ADAM12: variants seen among roughly 807,000 people sequenced by gnomAD.
ADAM12 encodes the protein ADAM metallopeptidase domain 12, also known as disintegrin and metalloproteinase domain-containing protein 12.
ADAM12 carries 70 observed loss-of-function variants against 106.4 expected under a neutral mutation model. The observed-to-expected ratio is 0.66, with a 90% CI of 0.54 to 0.80. ADAM12 has a LOEUF of 0.80. Among genes scored for constraint, ADAM12 ranks in the 30% least tolerant of loss-of-function variants. ADAM12 has a pLI of 0.00. For synonymous variants in ADAM12, 420 were observed against 433.5 expected (o/e 0.97, Z 0.39); for missense variants, 1,010 against 1,171.9 (o/e 0.86, Z 2.02).
Position 126,174,594 on chromosome 10 carries a change from T to C in ADAM12, c.261-19289A>G, listed in dbSNP as rs531910881. Among the ~76,000 whole-genome samples the C allele has an allele frequency of 2.3e-4, 35 of 152,304 alleles. No individual in the cohort carries two copies. In the South Asian group the frequency reaches 7.2e-3, roughly 32 times the overall value. On this transcript the variant is annotated intron_variant, in intron 3 of 22. Coordinates refer to ENST00000448723, the MANE Select transcript of ADAM12 (RefSeq NM_001288973.2). ...TACAATTGCATGTTTTTTACCCTATTCAGGGTGGTGCCACCATCTACCACA... is the reference window on the plus strand; with the variant it reads ...TACAATTGCATGTTTTTTACCCTATCCAGGGTGGTGCCACCATCTACCACA...
intron 4 of ADAM12, among the ~76,000 whole-genome samples, chr10:126,139,887 C>T (rs2133687773): frequency 6.6e-6 from 1 of 152,318 alleles, no homozygotes; most frequent in East Asian, 1.9e-4. Flanking sequence ...CTTCAGTGTC[C>T]TCTCACTCTA....
intron 3 of ADAM12, among the ~76,000 whole-genome samples, chr10:126,270,727 G>A (rs562664836): frequency 6.6e-6 from 1 of 152,288 alleles, no homozygotes; most frequent in South Asian, 2.1e-4. Context: ...TTGAAGCAAT[G>A]CTCTAGACTT....
At chr10:126,297,109 T>C (rs1274920847) in intron 2 of ADAM12, among the ~76,000 whole-genome samples, 1 of 152,236 alleles carries the variant, frequency 6.6e-6, no homozygotes, top group Non-Finnish European at 1.5e-5. Context: ...CTTAAAAATG[T>C]GCATAGCTTT....
At chr10:126,148,319 A>C (rs550433093) in intron 4 of ADAM12, among the ~76,000 whole-genome samples, 1 of 152,346 alleles carries the variant, frequency 6.6e-6, no homozygotes, top group East Asian at 1.9e-4. Context: ...CTTGAGCAGA[A>C]GAGGAGATGA....
intron 3 of ADAM12, among the ~76,000 whole-genome samples, chr10:126,190,225 G>A (rs1026691722): frequency 2.7e-5 from 4 of 149,468 alleles, no homozygotes; most frequent in Non-Finnish European, 4.4e-5. Context: ...TTTTTTAGAC[G>A]GAGTCTCACT....
intron 3 of ADAM12, among the ~76,000 whole-genome samples, chr10:126,198,014 A>G (rs1957629002): frequency 6.6e-6 from 1 of 152,226 alleles, no homozygotes; most frequent in African/African-American, 2.4e-5. Flanking sequence ...TTCCACACAA[A>G]GACATGTGTT....
intron 5 of ADAM12, among the ~76,000 whole-genome samples, chr10:126,130,640 T>C (rs970537902): frequency 4.6e-5 from 7 of 152,214 alleles, no homozygotes; most frequent in Non-Finnish European, 8.8e-5. Flanking sequence ...GTCACCACCA[T>C]GCGGAAGGAA....
chr10:126,197,275 T>C lies in ADAM12; in HGVS notation c.261-41970A>G, dbSNP rs542150538. Among the ~76,000 whole-genome samples, 3 of 152,314 alleles carry C rather than the reference T, an allele frequency of 2.0e-5. 1 individual carries two copies. Among genetic ancestry groups the C allele is most frequent in the East Asian group, 3.9e-4 (2 of 5,190 alleles). ...CAAGGCATCTTTTGGACAAAGTCCATTGGTGAACTCTGGAAGAAGCCAGCT... is the reference window on the plus strand; with the variant it reads ...CAAGGCATCTTTTGGACAAAGTCCACTGGTGAACTCTGGAAGAAGCCAGCT... On this transcript the variant is annotated intron_variant, in intron 3 of 22. Coordinates refer to ENST00000448723, the MANE Select transcript of ADAM12 (RefSeq NM_001288973.2).
At chr10:126,177,904 T>G (rs535011989) in intron 3 of ADAM12, among the ~76,000 whole-genome samples, 1 of 152,348 alleles carries the variant, frequency 6.6e-6, no homozygotes, top group South Asian at 2.1e-4. Flanking sequence ...GCGAGCAACG[T>G]GTCACTCAAG....
intron 5 of ADAM12, among the ~76,000 whole-genome samples, chr10:126,127,828 TG>T (rs1956230484): frequency 6.6e-6 from 1 of 152,114 alleles, no homozygotes; most frequent in East Asian, 1.9e-4. Flanking sequence ...GTGTTTGACT[TG>T]GGCCTTGAGG....
rs772218847 is a variant in ADAM12, at chr10:126,049,420, C to G, written c.1750G>C (p.Gly584Arg). The G allele has an allele frequency of 1.9e-6, 3 of 1,614,148 alleles. No homozygotes were observed. The highest frequency in any genetic ancestry group is 2.5e-6 in the Non-Finnish European group (3 of 1,180,020). The change falls in exon 16 of 23, where the codon GGA becomes CGA. Residue 584 changes from glycine to arginine, a missense_variant. Gly to Arg is a moderately radical substitution (Grantham distance 125). Transcript: ENST00000448723. The surrounding 1 kb of genome is among the most constrained non-coding windows in gnomAD (Gnocchi z 4.4). ...DAKCGKIQCQGGASRPVIGTN... is the reference protein window; with the variant it reads ...DAKCGKIQCQRGASRPVIGTN... ...CCAATGACTGGCCGGCTGGCACCTC[C>G]TTGACACTGGATTTTTCCACATTTA...
intron 3 of ADAM12, among the ~76,000 whole-genome samples, chr10:126,170,990 G>A (rs891219197): frequency 6.6e-6 from 1 of 152,188 alleles, no homozygotes; most frequent in African/African-American, 2.4e-5. Flanking sequence ...TTCATTGATG[G>A]ATTTCTCTCC....
chr10:126,225,429 A>C (rs1958174481), intron 3 of ADAM12, among the ~76,000 whole-genome samples: 1 of 152,214 alleles, frequency 6.6e-6, no homozygotes, highest in Admixed American at 6.5e-5. Flanking sequence ...AAGTAAAGAA[A>C]CCTGCACGGG....
At chr10:126,046,222 C>G (rs1954314850) in intron 16 of ADAM12, 90 bp from the exon 17 acceptor site, 1 of 1,236,152 alleles carries the variant, frequency 8.1e-7, no homozygotes, top group Admixed American at 1.7e-5. Context: ...AAAAAGCAAG[C>G]AAAAGAAAGC....
In ADAM12 at chr10:126,301,744, C is replaced by G. The variant is rs551824346; in HGVS notation, c.187-22756G>C. Among the ~76,000 whole-genome samples, 4 of 152,256 alleles carry G rather than the reference C, an allele frequency of 2.6e-5. No homozygotes were observed. The South Asian group carries it at 6.3e-4, about 24-fold the overall frequency. ...AGCAATAAAAAGGCAGCAACCATTA[C>G]GAGTCCACTAAGAAATACTCAGAAG... is the stretch of plus-strand genomic sequence containing the variant. On this transcript the variant is annotated intron_variant, in intron 2 of 22. Transcript: ENST00000448723.
intron 3 of ADAM12, among the ~76,000 whole-genome samples, chr10:126,270,451 G>A (rs1050522721): frequency 2.0e-5 from 3 of 152,196 alleles, no homozygotes; most frequent in Non-Finnish European, 2.9e-5. Context: ...GGAAATGTCC[G>A]TCTAGCCACA....
At chr10:126,124,250 A>G (rs1309207105) in intron 5 of ADAM12, among the ~76,000 whole-genome samples, 2 of 151,760 alleles carry the variant, frequency 1.3e-5, no homozygotes, top group Non-Finnish European at 2.9e-5. Flanking sequence ...GGTGCTGTCA[A>G]TCATGTGGTG....
intron 3 of ADAM12, among the ~76,000 whole-genome samples, chr10:126,260,343 G>C (rs560840302): frequency 5.3e-5 from 8 of 152,288 alleles, no homozygotes; most frequent in Admixed American, 3.3e-4. Context: ...AGTGGTCGAT[G>C]TTTACAACAG....
At position 126,328,940 on chromosome 10, in the gene ADAM12, C is replaced by T. The variant is rs139173277; in HGVS notation, c.186+1472G>A. ...CCTCCAACATGCCTTGTGATGTCTG[C>T]CAGGTGGCTGGAGGGTAGGAAGGAG... On this transcript the variant is annotated intron_variant, in intron 2 of 22. Coordinates refer to ENST00000448723, the MANE Select transcript of ADAM12 (RefSeq NM_001288973.2). Among the ~76,000 whole-genome samples the T allele has an allele frequency of 2.8e-4, 43 of 152,206 alleles. No homozygotes were observed. In the East Asian group the frequency reaches 6.8e-3, roughly 24 times the overall value.
Sources: gnomAD v4.1 joint callset for allele counts (sites outside exome capture counted in the v4.1 genomes callset) on GRCh38, gnomAD v4.1.1 for gene constraint, Gnocchi (gnomAD v3.1) non-coding constraint, MANE v1.5 for transcripts, NCBI Gene and HGNC (gene_info 2026-07-23, HGNC 2026-07-21) for gene names.